The following CILK1 variants were observed in gnomAD, a reference collection of about 807,000 sequenced individuals.
CILK1 encodes the protein serine/threonine-protein kinase ICK.
CILK1 carries 47 observed loss-of-function variants against 79.2 expected under a neutral mutation model. That is an observed-to-expected ratio of 0.59 (90% CI 0.47 to 0.76). The LOEUF (loss-of-function observed/expected upper bound fraction) is 0.76. Among genes scored for constraint, CILK1 ranks in the 30% least tolerant of loss-of-function variants. The probability of loss-of-function intolerance (pLI) is 0.00; values close to 1 mark genes in which losing one functional copy is unlikely to be tolerated. For synonymous variants in CILK1, 266 were observed against 275.9 expected (o/e 0.96, Z 0.36); for missense variants, 660 against 769.5 (o/e 0.86, Z 1.68).
chr6:53,041,385 T>A lies in CILK1; in HGVS notation c.-149A>T. On this transcript the variant is annotated 5_prime_UTR_variant, in exon 2 of 14. The change abolishes an upstream ATG in the 5' untranslated region. Coordinates refer to ENST00000676107, the MANE Select transcript of CILK1 (RefSeq NM_014920.5). ...AGGACGTGACTGTCTCCCAAATACA[T>A]ATTTCCAAAAATCAGTCTTCTGCCT... is the stretch of plus-strand genomic sequence containing the variant. 2 of 655,488 alleles carry A rather than the reference T, an allele frequency of 3.1e-6. No homozygotes were observed. The highest frequency in any genetic ancestry group is 2.3e-5 in the Admixed American group (1 of 43,298). The allele number at this position is 655,488 out of a possible 1,614,324, so 40.6% of individuals were successfully genotyped here.
At chr6:53,005,630 T>C (rs552894317) in intron 13 of CILK1, among the ~76,000 whole-genome samples, 3 of 152,282 alleles carry the variant, frequency 2.0e-5, no homozygotes, top group African/African-American at 7.2e-5. Context: ...CAAGCTAGCA[T>C]CATTTCTTAC....
In CILK1 at chr6:53,013,555, A is replaced by G. The variant is rs183998370; in HGVS notation, c.1152+107T>C. The G allele has an allele frequency of 4.8e-6, 5 of 1,046,788 alleles. No homozygotes were observed. The Admixed American group carries it at 9.0e-5, about 19-fold the overall frequency. The allele number at this position is 1,046,788 out of a possible 1,614,324, so 64.8% of individuals were successfully genotyped here. A position where few individuals can be genotyped will look rare whatever the true frequency, so the allele number is the denominator to read the frequency against. On this transcript the variant is annotated intron_variant, in intron 9 of 13. Transcript: ENST00000676107. The stretch of plus-strand genomic sequence containing the variant: ...TCCATGCTGTTGCAAACATAAATCT[A>G]CCATAACTGGACCCTGTATACTGAA...
intron 11 of CILK1, 67 bp downstream of exon 11, chr6:53,011,702 G>A (rs1581947959): frequency 6.9e-7 from 1 of 1,454,176 alleles, no homozygotes; most frequent in East Asian, 2.3e-5. Flanking sequence ...GAACCTTTGT[G>A]AATATGTGAT....
intron 11 of CILK1, 119 bp from the exon 12 acceptor site, chr6:53,009,686 A>G: frequency 1.2e-6 from 1 of 841,758 alleles, no homozygotes; most frequent in Non-Finnish European, 1.9e-6. Flanking sequence ...ACAATAATCA[A>G]AGCAAAAACT....
At chr6:53,055,755 G>A in intron 1 of CILK1, among the ~76,000 whole-genome samples, 1 of 152,056 alleles carries the variant, frequency 6.6e-6, no homozygotes, top group South Asian at 2.1e-4. Context: ...AGGTGCTCAC[G>A]CCTTGAACCT....
At chr6:53,040,443 C>T (rs929748758) in intron 2 of CILK1, among the ~76,000 whole-genome samples, 6 of 152,218 alleles carry the variant, frequency 3.9e-5, no homozygotes, top group African/African-American at 7.2e-5. Context: ...CACCAACAGC[C>T]GGCAGGGAAC....
intron 1 of CILK1, among the ~76,000 whole-genome samples, chr6:53,059,410 A>G (rs902559108): frequency 6.6e-6 from 1 of 152,244 alleles, no homozygotes; most frequent in Admixed American, 6.5e-5. Context: ...AACCTAAACC[A>G]ATTGGAGATC....
intron 5 of CILK1, among the ~76,000 whole-genome samples, chr6:53,028,798 G>A (rs561496811): frequency 1.3e-5 from 2 of 151,846 alleles, no homozygotes; most frequent in Non-Finnish European, 2.9e-5. Context: ...ATATATGGAT[G>A]CTAAATTATG....
intron 12 of CILK1, among the ~76,000 whole-genome samples, chr6:53,007,481 T>C (rs931143972): frequency 1.3e-5 from 2 of 152,144 alleles, no homozygotes; most frequent in African/African-American, 4.8e-5. Flanking sequence ...TAAACCACAA[T>C]AGGATACCAT....
intron 4 of CILK1, among the ~76,000 whole-genome samples, 185 bp downstream of exon 4, chr6:53,032,348 A>G (rs536757502): frequency 3.1e-4 from 47 of 152,196 alleles, no homozygotes; most frequent in African/African-American, 1.0e-3. Context: ...ATGTATACAT[A>G]TGCAACTAAC....
At chr6:53,053,106 T>TC (rs1357160107) in intron 1 of CILK1, among the ~76,000 whole-genome samples, 1 of 152,064 alleles carries the variant, frequency 6.6e-6, no homozygotes, top group Non-Finnish European at 1.5e-5. Context: ...GAAAAATTGT[T>TC]CTTTTTTAGA....
chr6:53,023,121 G>A (rs1765352240), intron 5 of CILK1, among the ~76,000 whole-genome samples: 1 of 152,046 alleles, frequency 6.6e-6, no homozygotes, highest in Admixed American at 6.5e-5. Flanking sequence ...TTTTAGTAGA[G>A]GCGGGGTTTC....
rs192554604 is a variant in CILK1 at position 53,044,289 on chromosome 6, A to G, written c.-172-2881T>C. 7.1e-3 allele frequency among the ~76,000 whole-genome samples: 1,086 copies of G among 152,272 alleles called. 4 individuals carry two copies. Among genetic ancestry groups the G allele is most frequent in the Middle Eastern group, 0.014 (4 of 294 alleles). ...GGCATTAGATTCTCACAGAAGCACG[A>G]ACCCTACTGTGAACTGCCCATGGGA... On this transcript the variant is annotated intron_variant, in intron 1 of 13. Coordinates refer to ENST00000676107, the MANE Select transcript of CILK1 (RefSeq NM_014920.5).
intron 5 of CILK1, among the ~76,000 whole-genome samples, chr6:53,019,919 G>A (rs1765133112): frequency 6.6e-6 from 1 of 150,782 alleles, no homozygotes; most frequent in Non-Finnish European, 1.5e-5. Flanking sequence ...CTATCCTCCT[G>A]CCTCAGCCTC....
intron 1 of CILK1, among the ~76,000 whole-genome samples, chr6:53,043,240 C>T (rs913145147): frequency 6.6e-6 from 1 of 151,824 alleles, no homozygotes; most frequent in African/African-American, 2.4e-5. Flanking sequence ...CGCTTGAACC[C>T]GGGAGGCACA....
intron 5 of CILK1, among the ~76,000 whole-genome samples, chr6:53,020,028 ATTTT>A (rs1416027926): frequency 6.6e-6 from 1 of 152,116 alleles, no homozygotes; most frequent in African/African-American, 2.4e-5. Flanking sequence ...CACAATTATA[ATTTT>A]TGTTTAAGAA....
chr6:53,054,520 C>A (rs1443256360), intron 1 of CILK1: 1 of 152,184 alleles, frequency 6.6e-6, no homozygotes, highest in South Asian at 2.1e-4. Flanking sequence ...AACTGTTGGG[C>A]CCAACTAAAA....
chr6:53,045,816 G>A (rs1458146795), intron 1 of CILK1, among the ~76,000 whole-genome samples: 2 of 134,272 alleles, frequency 1.5e-5, no homozygotes, highest in East Asian at 2.2e-4. Context: ...AAAATTCCTG[G>A]AAGCTTGATT....
chr6:53,017,775 C>CTTAGATGAAGGGAAAGGGGAGCAA (rs1764978053), intron 7 of CILK1, among the ~76,000 whole-genome samples: 3 of 152,050 alleles, frequency 2.0e-5, no homozygotes, highest in Admixed American at 1.3e-4. Flanking sequence ...CCACCAACCG[C>CTTAGATGAAGGGAAAGGGGAGCAA]TTAGATGAAG....
Sources: allele counts gnomAD v4.1 joint callset (sites outside exome capture counted in the v4.1 genomes callset), GRCh38; gene constraint gnomAD v4.1.1; transcripts MANE v1.5; gene names NCBI Gene and HGNC (gene_info 2026-07-23, HGNC 2026-07-21).